Variants in SDK1 observed in about 807,000 individuals in gnomAD.
SDK1 encodes protein sidekick-1.
SDK1 carries 157 observed loss-of-function variants against 245.5 expected under a neutral mutation model. That is an observed-to-expected ratio of 0.64 (90% CI 0.56 to 0.73). The LOEUF (loss-of-function observed/expected upper bound fraction) is 0.73, where lower values mean the gene tolerates loss of function less well. Among genes scored for constraint, SDK1 ranks in the 30% least tolerant of loss-of-function variants. The pLI is 0.00. For missense variants in SDK1, 3,583 were observed against 3,002.3 expected (o/e 1.19, Z -4.52); for synonymous variants, 1,647 against 1,278.5 (o/e 1.29, Z -6.15).
rs186537669 is a variant in SDK1 at position 3,974,011 on chromosome 7, A to G, written c.1818-358A>G. Among the ~76,000 whole-genome samples the G allele has an allele frequency of 4.3e-4, 65 of 151,816 alleles. No homozygotes were observed. In the South Asian group the frequency reaches 6.1e-3, roughly 14 times the overall value. ...AGCCTGGGCCACATGGCAAAACCTC[A>G]TCTCTATTAAAAATACAAAAAAATT... On this transcript the variant is annotated intron_variant, in intron 12 of 44. Coordinates refer to ENST00000404826, the MANE Select transcript of SDK1 (RefSeq NM_152744.4).
chr7:3,625,017 C>A (rs991512320), intron 2 of SDK1, among the ~76,000 whole-genome samples: 1 of 152,044 alleles, frequency 6.6e-6, no homozygotes, highest in East Asian at 1.9e-4. Context: ...CCAGCCTGGG[C>A]AACAAGAGCA....
chr7:3,628,310 G>A (rs187906594), intron 2 of SDK1, among the ~76,000 whole-genome samples: 1 of 152,090 alleles, frequency 6.6e-6, no homozygotes, highest in African/African-American at 2.4e-5. Context: ...TTGCTCTGTT[G>A]CTTAGGCTAG....
At chr7:3,930,707 C>T (rs1055266937) in intron 5 of SDK1, among the ~76,000 whole-genome samples, 74 of 152,108 alleles carry the variant, frequency 4.9e-4, no homozygotes, top group African/African-American at 1.6e-3. Context: ...GCAAGAGAAT[C>T]ACTTAAAACT....
At chr7:3,766,090 C>T (rs779911972) in intron 4 of SDK1, among the ~76,000 whole-genome samples, 5 of 152,010 alleles carry the variant, frequency 3.3e-5, no homozygotes, top group African/African-American at 7.2e-5. Context: ...CATTTCTGGC[C>T]GGTTGACCAA....
chr7:3,926,303 A>C (rs990796609), intron 5 of SDK1, among the ~76,000 whole-genome samples: 20 of 152,186 alleles, frequency 1.3e-4, no homozygotes, highest in African/African-American at 4.6e-4. Flanking sequence ...TGAAAATGAC[A>C]ATCTGCACTT....
At chr7:3,935,473 C>G (rs1191303938) in intron 5 of SDK1, among the ~76,000 whole-genome samples, 1 of 152,160 alleles carries the variant, frequency 6.6e-6, no homozygotes, top group East Asian at 1.9e-4. Flanking sequence ...ATTTGCAAAT[C>G]ACATATATAA....
At chr7:3,305,230 T>C (rs537316285) in intron 1 of SDK1, among the ~76,000 whole-genome samples, 1 of 152,336 alleles carries the variant, frequency 6.6e-6, no homozygotes, top group Non-Finnish European at 1.5e-5. Context: ...CTGGTGAAAA[T>C]TTAAAATACA....
intron 1 of SDK1, among the ~76,000 whole-genome samples, chr7:3,563,844 A>G (rs1779823865): frequency 6.6e-6 from 1 of 152,218 alleles, no homozygotes; most frequent in African/African-American, 2.4e-5. Context: ...ATAACAAATT[A>G]GGTTCACTCA....
intron 34 of SDK1, 90 bp downstream of exon 34, chr7:4,175,924 C>T: frequency 2.7e-6 from 3 of 1,130,954 alleles, no homozygotes; most frequent in Non-Finnish European, 4.0e-6. Flanking sequence ...GGAAAACCAG[C>T]CTGGATTAAT....
At position 3,429,977 on chromosome 7, in the gene SDK1, A is replaced by T. The variant is rs552198359; in HGVS notation, c.298+128093A>T. On this transcript the variant is annotated intron_variant, in intron 1 of 44. Coordinates refer to ENST00000404826, the MANE Select transcript of SDK1 (RefSeq NM_152744.4). Reference sequence around the variant, plus strand: ...TATGTGTCTCTCTATCTGTATATACATTTCTTTCTGTGCTATTTAAAATAC... The same window carrying T: ...TATGTGTCTCTCTATCTGTATATACTTTTCTTTCTGTGCTATTTAAAATAC... 2.0e-5 allele frequency among the ~76,000 whole-genome samples: 3 copies of T among 152,154 alleles called. No individual in the cohort carries two copies. In the South Asian group the frequency reaches 6.2e-4, roughly 32 times the overall value.
chr7:3,513,771 CTT>C (rs1562532610), intron 1 of SDK1, among the ~76,000 whole-genome samples: 1 of 152,132 alleles, frequency 6.6e-6, no homozygotes, highest in African/African-American at 2.4e-5. Flanking sequence ...GGTTTTATAA[CTT>C]TTCAGTCTAG....
At position 3,454,717 on chromosome 7, in the gene SDK1, T is replaced by C. The variant is rs917772301; in HGVS notation, c.298+152833T>C. Among the ~76,000 whole-genome samples the C allele has an allele frequency of 2.6e-5, 4 of 152,332 alleles. No individual in the cohort carries two copies. In the South Asian group the frequency reaches 6.2e-4, roughly 24 times the overall value. On this transcript the variant is annotated intron_variant, in intron 1 of 44. Transcript: ENST00000404826. Reference sequence around the variant, plus strand: ...TATTGCTCAGGAGTATTTCATGATATGGAATATACCATGGTTTGACTCTTA... The same window carrying C: ...TATTGCTCAGGAGTATTTCATGATACGGAATATACCATGGTTTGACTCTTA...
At chr7:4,191,855 CCCAGGG>C (rs1200243538) in intron 35 of SDK1, among the ~76,000 whole-genome samples, 3 of 152,230 alleles carry the variant, frequency 2.0e-5, no homozygotes, top group Non-Finnish European at 2.9e-5. Context: ...GACCACCCCT[CCCAGGG>C]CCGCGCGTCA....
At chr7:3,321,426 C>G (rs1779799424) in intron 1 of SDK1, among the ~76,000 whole-genome samples, 1 of 152,116 alleles carries the variant, frequency 6.6e-6, no homozygotes, top group Non-Finnish European at 1.5e-5. Flanking sequence ...GAGACTCAGC[C>G]TAGGAATGTG....
chr7:3,615,919 C>G (rs1781754348), intron 1 of SDK1, among the ~76,000 whole-genome samples: 1 of 151,828 alleles, frequency 6.6e-6, no homozygotes, highest in Non-Finnish European at 1.5e-5. Context: ...GTCTGTCACC[C>G]ACACTGCCAG....
At chr7:3,379,582 T>C (rs918746870) in intron 1 of SDK1, among the ~76,000 whole-genome samples, 2 of 152,148 alleles carry the variant, frequency 1.3e-5, no homozygotes, top group Non-Finnish European at 2.9e-5. Context: ...GTGGTTCATT[T>C]TCATTCTGTA....
intron 40 of SDK1, among the ~76,000 whole-genome samples, chr7:4,222,449 C>T (rs1211580930): frequency 6.6e-6 from 1 of 152,154 alleles, no homozygotes; most frequent in Non-Finnish European, 1.5e-5. Flanking sequence ...CACCCGCCAT[C>T]ACGCCCGGCT....
chr7:3,748,898 A>AT (rs1319215071), intron 4 of SDK1, among the ~76,000 whole-genome samples: 1 of 152,122 alleles, frequency 6.6e-6, no homozygotes, highest in Non-Finnish European at 1.5e-5. Flanking sequence ...TGTCCAGACA[A>AT]TTTTTTGTTG....
intron 5 of SDK1, among the ~76,000 whole-genome samples, chr7:3,909,063 C>T (rs576018294): frequency 7.2e-5 from 11 of 152,218 alleles, no homozygotes; most frequent in Middle Eastern, 3.4e-3. Flanking sequence ...TGCCTTTTGG[C>T]CCCCTTTTCT....
Sources: gnomAD v4.1 joint callset for allele counts (sites outside exome capture counted in the v4.1 genomes callset) on GRCh38, gnomAD v4.1.1 for gene constraint, MANE v1.5 for transcripts, NCBI Gene and HGNC (gene_info 2026-07-23, HGNC 2026-07-21) for gene names.